Variants in SYNDIG1 observed in about 807,000 individuals in gnomAD.
The protein encoded by SYNDIG1 is synapse differentiation-inducing gene protein 1.
A neutral mutation model predicts 19.4 loss-of-function variants in SYNDIG1; 9 were observed. That is an observed-to-expected ratio of 0.46 (90% CI 0.28 to 0.81). The LOEUF (loss-of-function observed/expected upper bound fraction) is 0.81, where lower values mean the gene tolerates loss of function less well. Ranked by LOEUF, SYNDIG1 falls within the 30% of genes least tolerant of loss-of-function variation. The probability of loss-of-function intolerance (pLI) is 0.12; values close to 1 mark genes in which losing one functional copy is unlikely to be tolerated. For synonymous variants in SYNDIG1, 141 were observed against 145.9 expected (o/e 0.97, Z 0.24); for missense variants, 311 against 343.3 (o/e 0.91, Z 0.74).
chr20:24,497,401 A>G (rs1315413354), intron 1 of SYNDIG1, among the ~76,000 whole-genome samples: 2 of 152,144 alleles, frequency 1.3e-5, no homozygotes, highest in Non-Finnish European at 2.9e-5. Context: ...GGGTTTCACC[A>G]TGTTGGTCAG....
Position 24,665,802 on chromosome 20 carries a change from C to T in SYNDIG1, c.*298C>T. 1 of 411,524 alleles carries T rather than the reference C, an allele frequency of 2.4e-6. No individual in the cohort carries two copies. The highest frequency in any genetic ancestry group is 4.7e-5 in the Admixed American group (1 of 21,368). 25.5% of individuals were successfully genotyped at this position (411,524 alleles called of 1,614,324 possible). A position where few individuals can be genotyped will look rare whatever the true frequency, so the allele number is the denominator to read the frequency against. On this transcript the variant is annotated 3_prime_UTR_variant, in exon 4 of 4. Transcript: ENST00000376862. ...GGATGAATGGCAACGCGGCTCTCTG[C>T]AGCCTGCCAGTGCCCAGAGTGCCAC... is the stretch of plus-strand genomic sequence containing the variant.
intron 2 of SYNDIG1, among the ~76,000 whole-genome samples, chr20:24,567,946 C>G (rs2058080090): frequency 1.3e-5 from 2 of 152,114 alleles, no homozygotes; most frequent in Non-Finnish European, 2.9e-5. Flanking sequence ...CCAACCTGGC[C>G]AACATGGTGA....
chr20:24,561,591 A>G (rs912803165), intron 2 of SYNDIG1, among the ~76,000 whole-genome samples: 2 of 152,188 alleles, frequency 1.3e-5, no homozygotes, highest in African/African-American at 4.8e-5. Flanking sequence ...CACTGTTACT[A>G]CTCAGAATTT....
At chr20:24,655,975 A>G (rs962164533) in intron 3 of SYNDIG1, among the ~76,000 whole-genome samples, 2 of 152,242 alleles carry the variant, frequency 1.3e-5, no homozygotes, top group African/African-American at 4.8e-5. Context: ...GGAGTCAGAC[A>G]CCATCGTGCG....
chr20:24,582,338 C>T (rs1200479518), intron 2 of SYNDIG1, among the ~76,000 whole-genome samples: 4 of 113,856 alleles, frequency 3.5e-5, no homozygotes, highest in Admixed American at 8.7e-5. Context: ...CCCCACGGCA[C>T]GGCCTCCCCC....
chr20:24,644,016 G>T (rs1176093572), intron 3 of SYNDIG1, among the ~76,000 whole-genome samples: 1 of 152,342 alleles, frequency 6.6e-6, no homozygotes, highest in East Asian at 1.9e-4. Context: ...GCAAGAAGTA[G>T]ACTTTCTATG....
At chr20:24,587,277 G>A (rs766296509) in intron 3 of SYNDIG1, among the ~76,000 whole-genome samples, 4 of 152,148 alleles carry the variant, frequency 2.6e-5, no homozygotes, top group Non-Finnish European at 5.9e-5. Context: ...ATTTCCCTGT[G>A]GTAAAACTAC....
chr20:24,585,822 CG>C (rs1294032527), intron 3 of SYNDIG1, among the ~76,000 whole-genome samples: 19 of 152,198 alleles, frequency 1.2e-4, no homozygotes, highest in Admixed American at 1.2e-3. Context: ...GGCCCAGGGT[CG>C]GGGTGGTGCT....
rs192476817 is a variant in SYNDIG1 at position 24,664,093 on chromosome 20, A to G, written c.619-1253A>G. On this transcript the variant is annotated intron_variant, in intron 3 of 3. Coordinates refer to ENST00000376862, the MANE Select transcript of SYNDIG1 (RefSeq NM_024893.3). Reference sequence around the variant, plus strand: ...CCAAGACAAAAAGTTGGGGAGGAAAAAAATAAAAACTAGCTTTTAAGATCC... The same window carrying G: ...CCAAGACAAAAAGTTGGGGAGGAAAGAAATAAAAACTAGCTTTTAAGATCC... Among the ~76,000 whole-genome samples, 170 of 152,190 alleles carry G rather than the reference A, an allele frequency of 1.1e-3. 1 individual carries two copies. Among genetic ancestry groups the G allele is most frequent in the Admixed American group, 0.01 (153 of 15,284 alleles).
At chr20:24,471,870 C>G (rs1361033247) in intron 1 of SYNDIG1, among the ~76,000 whole-genome samples, 1 of 152,172 alleles carries the variant, frequency 6.6e-6, no homozygotes, top group African/African-American at 2.4e-5. Flanking sequence ...AGTCATGACA[C>G]ATTGTATACG....
intron 2 of SYNDIG1, among the ~76,000 whole-genome samples, chr20:24,545,885 C>T (rs548967048): frequency 1.3e-5 from 2 of 152,280 alleles, no homozygotes; most frequent in Admixed American, 6.5e-5. Context: ...TTGAATATAA[C>T]GTAAGATGGA....
intron 1 of SYNDIG1, among the ~76,000 whole-genome samples, chr20:24,490,800 C>T (rs113546775): frequency 2.0e-5 from 3 of 152,144 alleles, no homozygotes; most frequent in Non-Finnish European, 4.4e-5. Context: ...AACCTGGAAG[C>T]GCCAGGCTCC....
chr20:24,587,767 G>C (rs1042574006), intron 3 of SYNDIG1, among the ~76,000 whole-genome samples: 3 of 152,294 alleles, frequency 2.0e-5, no homozygotes, highest in East Asian at 3.9e-4. Flanking sequence ...TGGGCAAAGA[G>C]CATGTTGGTG....
chr20:24,540,012 C>T (rs1431112929), intron 1 of SYNDIG1, among the ~76,000 whole-genome samples: 1 of 152,126 alleles, frequency 6.6e-6, no homozygotes, highest in Non-Finnish European at 1.5e-5. Context: ...GAACTCCTGA[C>T]CTCAAGTCAT....
chr20:24,550,271 C>T (rs561818457), intron 2 of SYNDIG1, among the ~76,000 whole-genome samples: 11 of 152,244 alleles, frequency 7.2e-5, no homozygotes, highest in Admixed American at 2.0e-4. Context: ...TTGGATATTG[C>T]GAATAGCACT....
At chr20:24,602,664 T>A (rs1054176061) in intron 3 of SYNDIG1, among the ~76,000 whole-genome samples, 7 of 152,238 alleles carry the variant, frequency 4.6e-5, no homozygotes, top group African/African-American at 1.7e-4. Flanking sequence ...GTCCTCTCCC[T>A]GGCCTTGGCC....
rs777202737 is a variant in SYNDIG1 at position 24,584,999 on chromosome 20, G to C, written c.618+6G>C. The C allele has an allele frequency of 6.2e-7, 1 of 1,611,196 alleles. No homozygotes were observed. The highest frequency in any genetic ancestry group is 8.5e-7 in the Non-Finnish European group (1 of 1,179,210). On this transcript the variant is annotated splice_donor_region_variant and intron_variant, in intron 3 of 3. Coordinates refer to ENST00000376862, the MANE Select transcript of SYNDIG1 (RefSeq NM_024893.3). ...CCTTCTACTTGTCCCATGAGGTAAG[G>C]CCTCCTTGGTCTGTCGCACGTGGTG...
rs927336323 is a variant in SYNDIG1, at chr20:24,666,578, C to G, written c.*1074C>G. 14 of 152,676 alleles carry G rather than the reference C, an allele frequency of 9.2e-5. No individual in the cohort carries two copies. Among genetic ancestry groups the G allele is most frequent in the African/African-American group, 3.4e-4 (14 of 41,550 alleles). 9.5% of individuals were successfully genotyped at this position (152,676 alleles called of 1,614,324 possible). A position where few individuals can be genotyped will look rare whatever the true frequency, so the allele number is the denominator to read the frequency against. ...TGTTCATTACTTAACAAAAAATTAT[C>G]TTTTAGCTTTTTCGCTTAAGACTTT... On this transcript the variant is annotated 3_prime_UTR_variant, in exon 4 of 4. Coordinates refer to ENST00000376862, the MANE Select transcript of SYNDIG1 (RefSeq NM_024893.3).
intron 3 of SYNDIG1, among the ~76,000 whole-genome samples, chr20:24,604,798 T>C (rs954322366): frequency 6.6e-6 from 1 of 152,330 alleles, no homozygotes; most frequent in African/African-American, 2.4e-5. Context: ...CCTCAAATTC[T>C]TTCTGGCATG....
Sources: gnomAD v4.1 joint callset for allele counts (sites outside exome capture counted in the v4.1 genomes callset) on GRCh38, gnomAD v4.1.1 for gene constraint, MANE v1.5 for transcripts, NCBI Gene and HGNC (gene_info 2026-07-23, HGNC 2026-07-21) for gene names.